The following PCDHGA2 variants were observed in gnomAD, a reference collection of about 807,000 sequenced individuals.
The protein encoded by PCDHGA2 is protocadherin gamma subfamily A, 2, also known as protocadherin gamma-A2.
In PCDHGA2, 40 loss-of-function variants were observed where a neutral mutation model predicts 59.2. The observed-to-expected ratio is 0.68, with a 90% CI of 0.52 to 0.88. The LOEUF is 0.88. Ranked by LOEUF, PCDHGA2 falls within the 40% of genes least tolerant of loss-of-function variation. The pLI, the probability that PCDHGA2 is intolerant of heterozygous loss-of-function variation, is 0.00. For synonymous variants in PCDHGA2, 560 were observed against 526.0 expected (o/e 1.06, Z -0.89); for missense variants, 1,226 against 1,204.0 (o/e 1.02, Z -0.27).
intron 1 of PCDHGA2, chr5:141,398,627 T>C: frequency 6.2e-7 from 1 of 1,614,044 alleles, no homozygotes; most frequent in Non-Finnish European, 8.5e-7. Context: ...TTAAACTCTC[T>C]GCAGAAGTAT....
chr5:141,371,304 A>G (rs745344777), intron 1 of PCDHGA2: 18 of 1,613,870 alleles, frequency 1.1e-5, no homozygotes, highest in East Asian at 4.5e-5. Context: ...ACTCACCACT[A>G]TTGGAGAACT....
At chr5:141,492,448 G>T (rs2734874) in intron 1 of PCDHGA2, among the ~76,000 whole-genome samples, 50 of 152,334 alleles carry the variant, frequency 3.3e-4, no homozygotes, top group African/African-American at 1.2e-3. Context: ...GTAGCTGATT[G>T]TGCGCGCCTG....
intron 2 of PCDHGA2, among the ~76,000 whole-genome samples, chr5:141,504,490 TGC>T (rs2099838709): frequency 6.6e-6 from 1 of 152,056 alleles, no homozygotes; most frequent in Non-Finnish European, 1.5e-5. Flanking sequence ...TGGAGGCACC[TGC>T]CCAGTCTGAG....
intron 1 of PCDHGA2, chr5:141,475,966 A>T (rs1252698069): frequency 2.3e-6 from 2 of 888,664 alleles, no homozygotes; most frequent in Admixed American, 5.2e-5. Flanking sequence ...GGGATGAGGC[A>T]GAGACTGAAC....
At chr5:141,400,756 C>G (rs1220648843) in intron 1 of PCDHGA2, 1 of 584,890 alleles carries the variant, frequency 1.7e-6, no homozygotes, top group African/African-American at 1.9e-5. Context: ...AGCTTCCTCT[C>G]TAGCAAAAAC....
intron 1 of PCDHGA2, chr5:141,422,492 C>A (rs747903569): frequency 2.5e-6 from 4 of 1,613,816 alleles, no homozygotes; most frequent in African/African-American, 2.7e-5. Flanking sequence ...TACAATATAA[C>A]GTTGACAGCC....
At chr5:141,404,371 C>T in intron 1 of PCDHGA2, 2 of 1,613,892 alleles carry the variant, frequency 1.2e-6, no homozygotes, top group Non-Finnish European at 1.7e-6. Flanking sequence ...CCATCTTCTC[C>T]GTGATTGCCT....
At chr5:141,404,521 G>A in intron 1 of PCDHGA2, 2 of 1,613,976 alleles carry the variant, frequency 1.2e-6, no homozygotes, top group Non-Finnish European at 1.7e-6. Flanking sequence ...TTGACTATGA[G>A]CAGTTTAGAG....
At chr5:141,387,816 C>T (rs1376270603) in intron 1 of PCDHGA2, 3 of 1,539,164 alleles carry the variant, frequency 1.9e-6, no homozygotes, top group African/African-American at 1.4e-5. Flanking sequence ...ATCCAAAAAT[C>T]TGCAATACAG....
rs894786663 is a variant in PCDHGA2 at position 141,371,734 on chromosome 5, A to G, written c.2424+30339A>G. The G allele has an allele frequency of 1.2e-6, 2 of 1,614,042 alleles. No individual in the cohort carries two copies. Among genetic ancestry groups the G allele is most frequent in the Non-Finnish European group, 1.7e-6 (2 of 1,179,892 alleles). ...ACTCTGCACATCCTTGATGTCAACG[A>G]CAACGTTCCCGTTTTCCACCAGGCC... On this transcript the variant is annotated intron_variant, in intron 1 of 3. Coordinates refer to ENST00000394576, the MANE Select transcript of PCDHGA2 (RefSeq NM_018915.4).
intron 1 of PCDHGA2, chr5:141,351,787 G>A (rs1758823316): frequency 6.2e-7 from 1 of 1,613,298 alleles, no homozygotes; most frequent in Admixed American, 1.7e-5. Flanking sequence ...AGAGCGGGGT[G>A]GTGTTCGCGC....
intron 1 of PCDHGA2, chr5:141,357,740 T>G: frequency 2.3e-6 from 3 of 1,285,732 alleles, no homozygotes; most frequent in Non-Finnish European, 3.2e-6. Flanking sequence ...ATTTTATTGC[T>G]TTAAAGAAAA....
chr5:141,371,355 G>T (rs369960328), intron 1 of PCDHGA2: 6 of 1,613,974 alleles, frequency 3.7e-6, no homozygotes, highest in Non-Finnish European at 3.4e-6. Flanking sequence ...TGGGGTGGAA[G>T]CAAAGGATGG....
chr5:141,403,992 T>G, intron 1 of PCDHGA2: 2 of 1,613,848 alleles, frequency 1.2e-6, no homozygotes, highest in South Asian at 2.2e-5. Flanking sequence ...AGACCTGAAG[T>G]GACCATTACA....
chr5:141,351,363 G>A lies in PCDHGA2; in HGVS notation c.2424+9968G>A, dbSNP rs539097472. 158 of 1,612,860 alleles carry A rather than the reference G, an allele frequency of 9.8e-5. No homozygotes were observed. In the Admixed American group the frequency reaches 1.4e-3, roughly 15 times the overall value. On this transcript the variant is annotated intron_variant, in intron 1 of 3. Transcript: ENST00000394576. The stretch of plus-strand genomic sequence containing the variant: ...ACTGTAATAGCCCTCATAAAAGTGC[G>A]AGACAAGGATTCTGGGCAAAATGGC...
intron 1 of PCDHGA2, chr5:141,360,964 A>G (rs771504785): frequency 1.2e-6 from 2 of 1,613,962 alleles, no homozygotes; most frequent in Non-Finnish European, 1.7e-6. Flanking sequence ...AAACGCAGAG[A>G]TCACCTACTC....
intron 1 of PCDHGA2, chr5:141,355,448 C>A: frequency 1.9e-6 from 3 of 1,614,092 alleles, no homozygotes; most frequent in Non-Finnish European, 2.5e-6. Flanking sequence ...CGCAGCGGCA[C>A]CTTGGTCACC....
chr5:141,383,734 T>C (rs1249029357), intron 1 of PCDHGA2: 2 of 1,613,994 alleles, frequency 1.2e-6, no homozygotes, highest in East Asian at 4.5e-5. Context: ...GGAAGTGACA[T>C]ATTCTTTTCG....
At position 141,460,912 on chromosome 5, in the gene PCDHGA2, G is replaced by GTGTATATA. The variant is rs145509489; in HGVS notation, c.2425-33894_2425-33893insGTATATAT. ...TCGTGGCTGAGTAATATTCCATGGTGTATATATATATATGTGTGTGTGTAT... is the reference window on the plus strand; with the variant it reads ...TCGTGGCTGAGTAATATTCCATGGTGTGTATATATATATATATATATGTGTGTGTGTAT... On this transcript the variant is annotated intron_variant, in intron 1 of 3. Transcript: ENST00000394576. Among the ~76,000 whole-genome samples the GTGTATATA allele has an allele frequency of 5.0e-3, 740 of 149,316 alleles. 4 individuals are homozygous for GTGTATATA. The highest frequency in any genetic ancestry group is 0.015 in the African/African-American group (617 of 40,618).
Sources: allele counts gnomAD v4.1 joint callset (sites outside exome capture counted in the v4.1 genomes callset), GRCh38; gene constraint gnomAD v4.1.1; transcripts MANE v1.5; gene names NCBI Gene and HGNC (gene_info 2026-07-23, HGNC 2026-07-21).